TRIM54: variants seen among roughly 807,000 people sequenced by gnomAD.
TRIM54 encodes the protein tripartite motif containing 54, also known as tripartite motif-containing protein 54.
In TRIM54, 40 loss-of-function variants were observed where a neutral mutation model predicts 42.0. That is an observed-to-expected ratio of 0.95 (90% confidence interval 0.74 to 1.24). The LOEUF is 1.24. Ranked by LOEUF, TRIM54 falls within the 50% of genes most tolerant of loss-of-function variation. The probability of loss-of-function intolerance (pLI) is 0.00; values close to 1 mark genes in which losing one functional copy is unlikely to be tolerated. For synonymous variants in TRIM54, 199 were observed against 194.9 expected (o/e 1.02, Z -0.17); for missense variants, 485 against 480.3 (o/e 1.01, Z -0.09).
chr2:27,293,462 G>C (rs1572522120), intron 1 of TRIM54, among the ~76,000 whole-genome samples: 1 of 152,160 alleles, frequency 6.6e-6, no homozygotes, highest in African/African-American at 2.4e-5. Context: ...GGCCCACACA[G>C]GTCCATGGGA....
chr2:27,299,157 G>A (rs1333218382), intron 2 of TRIM54, 88 bp from the exon 3 acceptor site: 5 of 1,467,210 alleles, frequency 3.4e-6, no homozygotes, highest in South Asian at 1.2e-5. Context: ...GGCGGAGAAG[G>A]TGGTGGCAGT....
In TRIM54 at chr2:27,306,761, T is replaced by C; in HGVS notation, c.*2-126T>C. The stretch of plus-strand genomic sequence containing the variant: ...CTCACCCGCTGTTCCTCTGGGGTGC[T>C]GGGAGGGCAGGCAAGGCAGGCTGAG... On this transcript the variant is annotated intron_variant, in intron 8 of 8. Transcript: ENST00000380075. The surrounding 1 kb of genome is among the most constrained non-coding windows in gnomAD (Gnocchi z 6.1). 1 of 596,936 alleles carries C rather than the reference T, an allele frequency of 1.7e-6. No individual in the cohort carries two copies. The highest frequency in any genetic ancestry group is 2.9e-6 in the Non-Finnish European group (1 of 342,154). 37.0% of individuals were successfully genotyped at this position (596,936 alleles called of 1,614,324 possible). A position where few individuals can be genotyped will look rare whatever the true frequency, so the allele number is the denominator to read the frequency against.
chr2:27,283,780 G>GCACACACACACACACA (rs1311012339), intron 1 of TRIM54, among the ~76,000 whole-genome samples: 1 of 76,510 alleles, frequency 1.3e-5, no homozygotes, highest in African/African-American at 8.6e-5. Flanking sequence ...ACACACACAC[G>GCACACACACACACACA]CGCGCACACA....
chr2:27,298,736 C>A lies in TRIM54; in HGVS notation c.338C>A (p.Ser113Tyr), dbSNP rs1678940866. The A allele has an allele frequency of 1.2e-6, 2 of 1,613,616 alleles. No individual in the cohort carries two copies. The highest frequency in any genetic ancestry group is 2.2e-5 in the South Asian group (2 of 91,030). Residue 113 changes from serine to tyrosine, a missense_variant, in exon 2 of 9, where the codon TCC becomes TAC. Ser to Tyr is a moderately radical substitution (Grantham distance 144). Coordinates refer to ENST00000380075, the MANE Select transcript of TRIM54 (RefSeq NM_187841.3). ...NIIDIYKQES[S>Y]RPLHSKAEQH... The stretch of plus-strand genomic sequence containing the variant: ...ATCGACATTTACAAGCAGGAGTCAT[C>A]CAGGTGAGCCACCAGAGTCTCTTGC...
rs1044459230 is a variant in TRIM54 at position 27,306,284 on chromosome 2, C to G, written c.938C>G (p.Thr313Ser). The G allele has an allele frequency of 6.2e-7, 1 of 1,614,100 alleles. No homozygotes were observed. Among genetic ancestry groups the G allele is most frequent in the African/African-American group, 1.3e-5 (1 of 75,040 alleles). ...EPGYESMEQFTVRVEHVAEML... is the reference protein window; with the variant it reads ...EPGYESMEQFSVRVEHVAEML... The stretch of plus-strand genomic sequence containing the variant: ...GGCTATGAGAGCATGGAGCAATTCA[C>G]CGTAAGGGTGGAGCACGTGGCCGAA... The change falls in exon 7 of 9, where the codon ACC (threonine) becomes AGC (serine). Residue 313 changes from threonine to serine, a missense_variant. Physicochemically the swap from Thr to Ser is moderately conservative, Grantham distance 58 (BLOSUM62 1). Coordinates refer to ENST00000380075, the MANE Select transcript of TRIM54 (RefSeq NM_187841.3). This position sits in a 1 kb window ranked among gnomAD's most constrained non-coding sequence, Gnocchi z 6.1.
rs1208094821 is a variant in TRIM54, at chr2:27,305,606, A to G, written c.632A>G (p.Gln211Arg). 1 of 1,613,302 alleles carries G rather than the reference A, an allele frequency of 6.2e-7. No homozygotes were observed. The highest frequency in any genetic ancestry group is 1.3e-5 in the African/African-American group (1 of 74,936). The change falls in exon 5 of 9, where the codon CAG becomes CGG. Residue 211 changes from glutamine to arginine, a missense_variant. Gln to Arg is a conservative substitution (Grantham distance 43). Coordinates refer to ENST00000380075, the MANE Select transcript of TRIM54 (RefSeq NM_187841.3). ...TIEDNSRRQKQLLNQRFESLC... is the reference protein window; with the variant it reads ...TIEDNSRRQKRLLNQRFESLC... Reference sequence around the variant, plus strand: ...TAGGACAATAGCCGGAGGCAGAAGCAGTTGTTAAACCAGAGGTTTGAGAGC... The same window carrying G: ...TAGGACAATAGCCGGAGGCAGAAGCGGTTGTTAAACCAGAGGTTTGAGAGC...
chr2:27,305,440 G>A, intron 4 of TRIM54, 144 bp from the exon 5 acceptor site: 1 of 647,698 alleles, frequency 1.5e-6, no homozygotes, highest in East Asian at 2.7e-5. Context: ...GAAAAGATCT[G>A]GGCTGGGTTC....
chr2:27,306,405 G>C lies in TRIM54; in HGVS notation c.992-51G>C. On this transcript the variant is annotated intron_variant, in intron 7 of 8. Transcript: ENST00000380075. The surrounding 1 kb of genome is among the most constrained non-coding windows in gnomAD (Gnocchi z 6.1). ...TCTGTGTGGGGGGTGCGGCGGGCAC[G>C]ATGGCCGTAAAGGCAGGGACTCCAC... 1 of 1,612,256 alleles carries C rather than the reference G, an allele frequency of 6.2e-7. No homozygotes were observed. Among genetic ancestry groups the C allele is most frequent in the South Asian group, 1.1e-5 (1 of 90,926 alleles).
chr2:27,290,559 T>G (rs1678693877), intron 1 of TRIM54, among the ~76,000 whole-genome samples: 1 of 152,096 alleles, frequency 6.6e-6, no homozygotes, highest in African/African-American at 2.4e-5. Context: ...GGCAAGAGAA[T>G]CGCTTGAACC....
chr2:27,296,023 G>A (rs912406784), intron 1 of TRIM54, among the ~76,000 whole-genome samples: 9 of 152,154 alleles, frequency 5.9e-5, no homozygotes, highest in Non-Finnish European at 1.0e-4. Context: ...GGTTTATGAT[G>A]GGCTTAAAGG....
intron 3 of TRIM54, among the ~76,000 whole-genome samples, chr2:27,303,443 G>A (rs1429424380): frequency 6.6e-6 from 1 of 152,042 alleles, no homozygotes; most frequent in Admixed American, 6.6e-5. Context: ...CCAGCTACTC[G>A]GGAAGCTGAG....
chr2:27,298,793 A>G, intron 2 of TRIM54, 54 bp downstream of exon 2: 2 of 1,580,842 alleles, frequency 1.3e-6, no homozygotes, highest in South Asian at 1.1e-5. Context: ...GACACAGCCA[A>G]GGAACCCATC....
intron 3 of TRIM54, among the ~76,000 whole-genome samples, chr2:27,301,091 G>T (rs1163739260): frequency 6.6e-6 from 1 of 150,936 alleles, no homozygotes; most frequent in Non-Finnish European, 1.5e-5. Flanking sequence ...TAAGACAATG[G>T]CCACTCCATA....
At chr2:27,287,860 T>C (rs989945265) in intron 1 of TRIM54, among the ~76,000 whole-genome samples, 2 of 152,226 alleles carry the variant, frequency 1.3e-5, no homozygotes, top group Non-Finnish European at 2.9e-5. Flanking sequence ...CTTGCAATTC[T>C]AACGATTTGG....
chr2:27,301,399 C>T (rs1318080460), intron 3 of TRIM54, among the ~76,000 whole-genome samples: 1 of 152,160 alleles, frequency 6.6e-6, no homozygotes, highest in Non-Finnish European at 1.5e-5. Context: ...CTTGGCCTCC[C>T]AAAGTGCTGG....
chr2:27,304,865 A>T (rs964092083), intron 3 of TRIM54, 94 bp from the exon 4 acceptor site: 1 of 1,040,830 alleles, frequency 9.6e-7, no homozygotes, highest in African/African-American at 1.6e-5. Context: ...GTGAGGTGGA[A>T]GGGCCAGCCC....
intron 1 of TRIM54, among the ~76,000 whole-genome samples, chr2:27,295,972 G>A (rs1028037256): frequency 4.6e-5 from 7 of 152,204 alleles, no homozygotes; most frequent in African/African-American, 1.7e-4. Flanking sequence ...GAAGGCAGAT[G>A]TACAAACATG....
intron 1 of TRIM54, among the ~76,000 whole-genome samples, chr2:27,288,275 C>T (rs1213521791): frequency 6.6e-6 from 1 of 152,236 alleles, no homozygotes; most frequent in Non-Finnish European, 1.5e-5. Flanking sequence ...AGCCCCATTG[C>T]ATCCAGAGCC....
chr2:27,299,191 T>A, intron 2 of TRIM54, 54 bp from the exon 3 acceptor site: 9 of 1,592,066 alleles, frequency 5.7e-6, no homozygotes, highest in Non-Finnish European at 7.7e-6. Flanking sequence ...AGAGAAGGTA[T>A]TCCTAGGACC....
Sources: allele counts gnomAD v4.1 joint callset (sites outside exome capture counted in the v4.1 genomes callset), GRCh38; gene constraint gnomAD v4.1.1; non-coding constraint Gnocchi (gnomAD v3.1); transcripts MANE v1.5; gene names NCBI Gene and HGNC (gene_info 2026-07-23, HGNC 2026-07-21).